The following MAGI3 variants were observed in gnomAD, a reference collection of about 807,000 sequenced individuals.
The protein encoded by MAGI3 is membrane associated guanylate kinase, WW and PDZ domain containing 3.
In MAGI3, 43 loss-of-function variants were observed where a neutral mutation model predicts 121.8. The observed-to-expected ratio is 0.35, with a 90% CI of 0.28 to 0.46. The LOEUF (loss-of-function observed/expected upper bound fraction) is 0.46. Among genes scored for constraint, MAGI3 ranks in the 20% least tolerant of loss-of-function variants. The pLI is 1.00. For missense variants in MAGI3, 1,547 were observed against 1,797.3 expected (o/e 0.86, Z 2.52); for synonymous variants, 553 against 639.3 (o/e 0.86, Z 2.04).
intron 18 of MAGI3, 24 bp downstream of exon 18, chr1:113,672,765 G>A (rs754619605): frequency 1.9e-6 from 3 of 1,594,272 alleles, no homozygotes; most frequent in Non-Finnish European, 2.6e-6. Context: ...TCCCCAGATG[G>A]GGAGTGATAT....
intron 19 of MAGI3, among the ~76,000 whole-genome samples, chr1:113,678,807 A>G (rs1453358876): frequency 6.6e-6 from 1 of 152,224 alleles, no homozygotes; most frequent in Non-Finnish European, 1.5e-5. Context: ...TGTGAACCAC[A>G]GCCTCCTGAC....
At chr1:113,517,897 C>T (rs376415504) in intron 1 of MAGI3, among the ~76,000 whole-genome samples, 1 of 151,652 alleles carries the variant, frequency 6.6e-6, no homozygotes, top group East Asian at 1.9e-4. Context: ...ATTATTGTAC[C>T]CTCTTTCTCT....
intron 15 of MAGI3, among the ~76,000 whole-genome samples, chr1:113,656,107 G>A (rs1382245481): frequency 6.6e-6 from 1 of 152,174 alleles, no homozygotes; most frequent in African/African-American, 2.4e-5. Flanking sequence ...ATTAGGCTCA[G>A]GTTGTTGATG....
Position 113,642,519 on chromosome 1 carries a change from A to G in MAGI3, c.1966+3A>G. ...ACCATTGCTTATCTTAAGAGGAGGTAAGTAAAAGCACAACATAGAAAAAGT... is the reference window on the plus strand; with the variant it reads ...ACCATTGCTTATCTTAAGAGGAGGTGAGTAAAAGCACAACATAGAAAAAGT... On this transcript the variant is annotated splice_donor_region_variant and intron_variant, in intron 10 of 20. Transcript: ENST00000307546. 1.9e-6 allele frequency: 3 copies of G among 1,603,734 alleles called. No homozygotes were observed. Among genetic ancestry groups the G allele is most frequent in the Non-Finnish European group, 2.6e-6 (3 of 1,173,844 alleles).
intron 10 of MAGI3, 150 bp from the exon 11 acceptor site, chr1:113,643,593 T>C (rs1652669539): frequency 1.5e-6 from 1 of 664,514 alleles, no homozygotes; most frequent in African/African-American, 1.8e-5. Flanking sequence ...AATGAGATAA[T>C]ATATGTATAA....
intron 1 of MAGI3, among the ~76,000 whole-genome samples, chr1:113,395,090 T>TTTTTTTTTTTTG (rs1651029497): frequency 6.2e-5 from 1 of 16,098 alleles, no homozygotes; most frequent in African/African-American, 3.7e-4. Flanking sequence ...TTTGTTAGTT[T>TTTTTTTTTTTTG]TTTTTTTTTT....
chr1:113,399,622 T>C (rs1651297042), intron 1 of MAGI3, among the ~76,000 whole-genome samples: 1 of 152,158 alleles, frequency 6.6e-6, no homozygotes, highest in African/African-American at 2.4e-5. Flanking sequence ...AAAAGTTATT[T>C]CTTTAAAAAA....
chr1:113,682,781 A>C (rs1648295509), intron 20 of MAGI3, 116 bp from the exon 21 acceptor site: 3 of 1,444,208 alleles, frequency 2.1e-6, no homozygotes, highest in Non-Finnish European at 2.7e-6. Flanking sequence ...ACTGTATAAA[A>C]TACTCAGGCT....
chr1:113,544,227 G>A (rs1168640554), intron 1 of MAGI3, among the ~76,000 whole-genome samples: 2 of 152,184 alleles, frequency 1.3e-5, no homozygotes, highest in African/African-American at 4.8e-5. Flanking sequence ...TTCCCTTACT[G>A]CTATAGATCT....
chr1:113,515,186 C>T lies in MAGI3; in HGVS notation c.317-34329C>T, dbSNP rs377209010. ...AAAAAAAATTTTTTTTTTGATCTCACGGCAGCAAACTTCCAAAGGCCTTTG... is the reference window on the plus strand; with the variant it reads ...AAAAAAAATTTTTTTTTTGATCTCATGGCAGCAAACTTCCAAAGGCCTTTG... On this transcript the variant is annotated intron_variant, in intron 1 of 20. Transcript: ENST00000307546. 1.1e-3 allele frequency among the ~76,000 whole-genome samples: 164 copies of T among 151,956 alleles called. 3 individuals carry two copies. The South Asian group carries it at 0.031, about 28-fold the overall frequency.
chr1:113,582,725 C>T (rs11102659), intron 3 of MAGI3, among the ~76,000 whole-genome samples: 1,674 of 151,708 alleles, frequency 0.011, 22 homozygotes, highest in African/African-American at 0.024. Context: ...GAGGGAGTGG[C>T]TATAGGGACA....
chr1:113,468,727 ATGAATATATT>A (rs1358434865), intron 1 of MAGI3, among the ~76,000 whole-genome samples: 4 of 152,208 alleles, frequency 2.6e-5, no homozygotes, highest in African/African-American at 9.6e-5. Context: ...ATGATGTAAT[ATGAATATATT>A]TGGTTAAATA....
At chr1:113,551,098 A>C (rs548592132) in intron 2 of MAGI3, among the ~76,000 whole-genome samples, 1 of 152,166 alleles carries the variant, frequency 6.6e-6, no homozygotes, top group Non-Finnish European at 1.5e-5. Flanking sequence ...ATTGAGTTCA[A>C]AATCTTTACT....
chr1:113,648,871 C>T (rs550376572), intron 12 of MAGI3, among the ~76,000 whole-genome samples: 1 of 152,198 alleles, frequency 6.6e-6, no homozygotes, highest in South Asian at 2.1e-4. Flanking sequence ...ATGTACCTTA[C>T]CCAAGTGTTA....
chr1:113,684,195 T>C lies in MAGI3; in HGVS notation c.*181T>C. 1 of 629,818 alleles carries C rather than the reference T, an allele frequency of 1.6e-6. No individual in the cohort carries two copies. The highest frequency in any genetic ancestry group is 2.4e-6 in the Non-Finnish European group (1 of 408,932). The allele number at this position is 629,818 out of a possible 1,614,324, so 39.0% of individuals were successfully genotyped here. ...GATTGCTAAGAACCAACTGTCCCCC[T>C]GGCCGGCTGCCCTCCCTCGCTCTCA... is the stretch of plus-strand genomic sequence containing the variant. On this transcript the variant is annotated 3_prime_UTR_variant, in exon 21 of 21. Transcript: ENST00000307546.
chr1:113,502,895 A>G (rs1423979489), intron 1 of MAGI3, among the ~76,000 whole-genome samples: 2 of 51,220 alleles, frequency 3.9e-5, no homozygotes, highest in African/African-American at 1.5e-4. Flanking sequence ...GCCATAAAAA[A>G]TGATGAGTTC....
At chr1:113,573,296 A>G (rs1647425522) in intron 2 of MAGI3, among the ~76,000 whole-genome samples, 1 of 152,176 alleles carries the variant, frequency 6.6e-6, no homozygotes, top group Non-Finnish European at 1.5e-5. Context: ...TAGGTTGTCT[A>G]TTTTAGATCT....
chr1:113,402,251 C>G lies in MAGI3; in HGVS notation c.316+10902C>G, dbSNP rs1449866310. Among the ~76,000 whole-genome samples the G allele has an allele frequency of 3.9e-5, 6 of 152,246 alleles. No individual in the cohort carries two copies. In the East Asian group the frequency reaches 9.7e-4, roughly 24 times the overall value. On this transcript the variant is annotated intron_variant, in intron 1 of 20. Coordinates refer to ENST00000307546, the MANE Select transcript of MAGI3 (RefSeq NM_001142782.2). ...TGCTAGACTCAGTTTGTTAGGCCAT[C>G]AGTGTGCATGAATGTGGTTAGAGGC...
In MAGI3 at chr1:113,594,522, G is replaced by A; in HGVS notation, c.980G>A (p.Cys327Tyr). 4 of 1,613,442 alleles carry A rather than the reference G, an allele frequency of 2.5e-6. No individual in the cohort carries two copies. The highest frequency in any genetic ancestry group is 2.2e-5 in the East Asian group (1 of 44,844). Residue 327 changes from cysteine to tyrosine, a missense_variant, in exon 6 of 21, where the codon TGT becomes TAT. Cys to Tyr is a radical substitution (Grantham distance 194, BLOSUM62 -2). Coordinates refer to ENST00000307546, the MANE Select transcript of MAGI3 (RefSeq NM_001142782.2). ...KTTTWLDPRL[C>Y]KKAKAPEDCE... ...ACCACCTGGTTGGATCCTCGTCTTT[G>A]TAAGAAAGCCAAAGCCCCTGAAGAC...
Sources: gnomAD v4.1 joint callset for allele counts (sites outside exome capture counted in the v4.1 genomes callset) on GRCh38, gnomAD v4.1.1 for gene constraint, MANE v1.5 for transcripts, NCBI Gene and HGNC (gene_info 2026-07-23, HGNC 2026-07-21) for gene names.